ATP8B1: variants seen among roughly 807,000 people sequenced by gnomAD.
ATP8B1 encodes the protein ATPase phospholipid transporting 8B1.
A neutral mutation model predicts 149.9 loss-of-function variants in ATP8B1; 80 were observed. The ratio of observed to expected loss-of-function variants is 0.53; its 90% CI spans 0.45 to 0.64. ATP8B1 has a LOEUF of 0.64. Ranked by LOEUF, ATP8B1 falls within the 30% of genes least tolerant of loss-of-function variation. ATP8B1 has a pLI of 0.00. For missense variants in ATP8B1, 1,247 were observed against 1,552.6 expected (o/e 0.80, Z 3.31); for synonymous variants, 536 against 562.8 (o/e 0.95, Z 0.67).
At chr18:57,752,349 G>A (rs2080030955) in intron 1 of ATP8B1, among the ~76,000 whole-genome samples, 1 of 152,046 alleles carries the variant, frequency 6.6e-6, no homozygotes, top group Admixed American at 6.6e-5. Context: ...AGACAGATAG[G>A]GGATGAAATC....
At chr18:57,747,788 T>C (rs980533640) in intron 1 of ATP8B1, among the ~76,000 whole-genome samples, 18 of 152,194 alleles carry the variant, frequency 1.2e-4, no homozygotes, top group African/African-American at 3.4e-4. Flanking sequence ...TTACAAATTC[T>C]GGGTCTGAGA....
intron 1 of ATP8B1, among the ~76,000 whole-genome samples, chr18:57,734,792 CT>C (rs1006131533): frequency 1.3e-5 from 2 of 152,116 alleles, no homozygotes; most frequent in Non-Finnish European, 2.9e-5. Context: ...CTGGCCTTAG[CT>C]TTTCAGTAGC....
chr18:57,692,417 T>G (rs1912579660), intron 11 of ATP8B1, among the ~76,000 whole-genome samples: 1 of 146,546 alleles, frequency 6.8e-6, no homozygotes, highest in Middle Eastern at 3.5e-3. Flanking sequence ...ATAGAAGATA[T>G]TCAACAGATT....
At chr18:57,658,317 T>G (rs557509169) in intron 22 of ATP8B1, among the ~76,000 whole-genome samples, 4 of 152,336 alleles carry the variant, frequency 2.6e-5, no homozygotes, top group African/African-American at 9.6e-5. Context: ...CCCAAAGTGC[T>G]GGGATTACAG....
intron 1 of ATP8B1, among the ~76,000 whole-genome samples, chr18:57,759,190 A>G (rs1376490276): frequency 4.0e-5 from 6 of 149,628 alleles, no homozygotes; most frequent in East Asian, 3.9e-4. Context: ...AAAGAAATCC[A>G]TAGATCCCAC....
chr18:57,721,413 A>C lies in ATP8B1; in HGVS notation c.181+10214T>G, dbSNP rs1458008637. On this transcript the variant is annotated intron_variant, in intron 2 of 27. Transcript: ENST00000648908. ...AAGGATGGAGGAAGATCTACCAAGCAAATGGAAAACAAAAAAAGGCAGGGG... is the reference window on the plus strand; with the variant it reads ...AAGGATGGAGGAAGATCTACCAAGCCAATGGAAAACAAAAAAAGGCAGGGG... Among the ~76,000 whole-genome samples the C allele has an allele frequency of 6.7e-4, 98 of 146,182 alleles. 1 individual carries two copies. Among genetic ancestry groups the C allele is most frequent in the African/African-American group, 2.3e-3 (92 of 39,830 alleles).
At chr18:57,676,735 AAAAG>A (rs1555690695) in intron 15 of ATP8B1, among the ~76,000 whole-genome samples, 3 of 150,946 alleles carry the variant, frequency 2.0e-5, no homozygotes, top group East Asian at 1.9e-4. Context: ...AAAAAAAAAA[AAAAG>A]AAAGAAAGAA....
At chr18:57,660,119 T>C (rs993905266) in intron 22 of ATP8B1, among the ~76,000 whole-genome samples, 1 of 152,146 alleles carries the variant, frequency 6.6e-6, no homozygotes, top group Non-Finnish European at 1.5e-5. Flanking sequence ...TACTCCCTTA[T>C]AGTGACAGAG....
At position 57,655,391 on chromosome 18, in the gene ATP8B1, C is replaced by G. The variant is rs1437664519; in HGVS notation, c.2734G>C (p.Gly912Arg). 6.2e-7 allele frequency: 1 copy of G among 1,614,208 alleles called. No individual in the cohort carries two copies. Among genetic ancestry groups the G allele is most frequent in the Non-Finnish European group, 8.5e-7 (1 of 1,180,036 alleles). ...KTAHIGVGIS[G>R]QEGMQAVMSS... Reference sequence around the variant, plus strand: ...ATGACAGCTTGCATTCCTTCTTGTCCACTTATTCCAACGCCAATGTGGGCA... The same window carrying G: ...ATGACAGCTTGCATTCCTTCTTGTCGACTTATTCCAACGCCAATGTGGGCA... The change falls in exon 23 of 28, where the codon GGA becomes CGA. Residue 912 changes from glycine (G) to arginine (R), a missense_variant. Transcript: ENST00000648908.
intron 2 of ATP8B1, among the ~76,000 whole-genome samples, chr18:57,714,589 AGGG>A (rs35810334): frequency 8.1e-6 from 1 of 122,916 alleles, no homozygotes; most frequent in Non-Finnish European, 1.8e-5. Context: ...GAGAGGAGGG[AGGG>A]GGGAAGGGGG....
intron 2 of ATP8B1, among the ~76,000 whole-genome samples, chr18:57,722,870 T>C (rs2123082574): frequency 6.7e-6 from 1 of 149,282 alleles, no homozygotes; most frequent in South Asian, 2.2e-4. Context: ...GCAAACCGAA[T>C]CCAGCAACAC....
At position 57,655,426 on chromosome 18, in the gene ATP8B1, C is replaced by A; in HGVS notation, c.2708-9G>T. The A allele has an allele frequency of 6.2e-7, 1 of 1,612,014 alleles. No homozygotes were observed. Among genetic ancestry groups the A allele is most frequent in the Middle Eastern group, 1.7e-4 (1 of 6,060 alleles). ...AACGCCAATGTGGGCAGCTATGGGG[C>A]AGAGGGAGAAAACACTGTGGATCAT... On this transcript the variant is annotated splice_polypyrimidine_tract_variant and intron_variant, in intron 22 of 27. Coordinates refer to ENST00000648908, the MANE Select transcript of ATP8B1 (RefSeq NM_001374385.1).
rs375532478 is a variant in ATP8B1 at position 57,745,930 on chromosome 18, G to A, written c.-25-14098C>T. Among the ~76,000 whole-genome samples, 175 of 152,186 alleles carry A rather than the reference G, an allele frequency of 1.1e-3. 1 individual carries two copies. The South Asian group carries it at 0.015, about 13-fold the overall frequency. On this transcript the variant is annotated intron_variant, in intron 1 of 27. Transcript: ENST00000648908. ...CCCACCTCAACCTCCCAAGGTGTTG[G>A]GATGATATGCATGAGCCACCACGCC...
intron 1 of ATP8B1, among the ~76,000 whole-genome samples, chr18:57,766,397 A>G (rs2080212497): frequency 1.3e-5 from 2 of 152,186 alleles, no homozygotes; most frequent in African/African-American, 2.4e-5. Context: ...TTCAACTAAA[A>G]AATTTCCTGA....
intron 1 of ATP8B1, among the ~76,000 whole-genome samples, chr18:57,759,155 C>CAAAAAAAAAAAAAAAAAAAAAA (rs566728161): frequency 9.7e-4 from 103 of 106,278 alleles, no homozygotes; most frequent in Middle Eastern, 5.0e-3. Context: ...GATTCCATCT[C>CAAAAAAAAAAAAAAAAAAAAAA]AAAAAAAAAA....
chr18:57,712,227 C>T (rs1004707799), intron 2 of ATP8B1, among the ~76,000 whole-genome samples: 1 of 152,042 alleles, frequency 6.6e-6, no homozygotes, highest in South Asian at 2.1e-4. Context: ...CTTTATATTG[C>T]TGAAAAAGGA....
intron 1 of ATP8B1, among the ~76,000 whole-genome samples, chr18:57,756,393 C>T (rs1225219009): frequency 2.7e-5 from 4 of 150,104 alleles, no homozygotes; most frequent in South Asian, 2.1e-4. Flanking sequence ...CTCCGCCTCC[C>T]GGGTTCAAGC....
At chr18:57,749,942 G>C (rs555864489) in intron 1 of ATP8B1, among the ~76,000 whole-genome samples, 46 of 152,306 alleles carry the variant, frequency 3.0e-4, no homozygotes, top group African/African-American at 5.5e-4. Context: ...AGAGCATTAA[G>C]GATAAACTAG....
Position 57,661,293 on chromosome 18 carries a change from A to T in ATP8B1, c.2588T>A (p.Val863Asp), listed in dbSNP as rs1363794498. The T allele has an allele frequency of 6.2e-7, 1 of 1,613,934 alleles. No individual in the cohort carries two copies. Among genetic ancestry groups the T allele is most frequent in the Non-Finnish European group, 8.5e-7 (1 of 1,180,006 alleles). The stretch of plus-strand genomic sequence containing the variant: ...CTTGGGGGTGACGCGGCAGCAGATG[A>T]CTGCGCTGCACTCGCAGGCCAGGTC... ...FVDLACECSA[V>D]ICCRVTPKQK... The change falls in exon 22 of 28, where the codon GTC (valine) becomes GAC (aspartate). Residue 863 changes from valine to aspartate, a missense_variant. Around this residue, in one of 3 missense-constraint regions of ATP8B1, gnomAD observed 230 missense variants for 356.6 expected, o/e 0.65. Coordinates refer to ENST00000648908, the MANE Select transcript of ATP8B1 (RefSeq NM_001374385.1).
Sources: gnomAD v4.1 joint callset for allele counts (sites outside exome capture counted in the v4.1 genomes callset) on GRCh38, gnomAD v4.1.1 for gene constraint, gnomAD v4.1.1 regional missense constraint, MANE v1.5 for transcripts, NCBI Gene and HGNC (gene_info 2026-07-23, HGNC 2026-07-21) for gene names.